The following CEP112 variants were observed in gnomAD, a reference collection of about 807,000 sequenced individuals.
CEP112 encodes centrosomal protein of 112 kDa.
CEP112 carries 127 observed loss-of-function variants against 153.0 expected under a neutral mutation model. The ratio of observed to expected loss-of-function variants is 0.83; its 90% CI spans 0.72 to 0.96. CEP112 has a LOEUF of 0.96. Among genes scored for constraint, CEP112 ranks in the 40% least tolerant of loss-of-function variants. The pLI, the probability that CEP112 is intolerant of heterozygous loss-of-function variation, is 0.00. For synonymous variants in CEP112, 358 were observed against 374.4 expected, an observed-to-expected ratio of 0.96 and a Z score of 0.51; for missense variants, 1,089 against 1,101.2, an observed-to-expected ratio of 0.99 and a Z score of 0.16.
intron 19 of CEP112, among the ~76,000 whole-genome samples, chr17:65,905,109 T>C (rs2060019661): frequency 6.6e-6 from 1 of 152,134 alleles, no homozygotes; most frequent in South Asian, 2.1e-4. Flanking sequence ...AAATGGGATC[T>C]AATTAAACTA....
At chr17:65,637,043 A>C in intron 26 of CEP112, 81 bp downstream of exon 26, 1 of 1,068,810 alleles carries the variant, frequency 9.4e-7, no homozygotes, top group Non-Finnish European at 1.4e-6. Flanking sequence ...ATTTTAATAA[A>C]GACAAAGGCC....
At chr17:66,175,970 A>C (rs1167263229) in intron 3 of CEP112, among the ~76,000 whole-genome samples, 1 of 152,186 alleles carries the variant, frequency 6.6e-6, no homozygotes, top group East Asian at 1.9e-4. Context: ...TTCTTTAGGG[A>C]GGATGACACA....
At chr17:66,143,199 T>G (rs1259744906) in intron 4 of CEP112, among the ~76,000 whole-genome samples, 2 of 152,210 alleles carry the variant, frequency 1.3e-5, no homozygotes, top group Non-Finnish European at 2.9e-5. Context: ...CAGAGATATA[T>G]TCATATGTCC....
chr17:66,080,999 C>A (rs1466195641), intron 8 of CEP112, among the ~76,000 whole-genome samples: 1 of 150,998 alleles, frequency 6.6e-6, no homozygotes, highest in Non-Finnish European at 1.5e-5. Flanking sequence ...ACATCACACA[C>A]TGGGGACTGT....
At position 66,191,309 on chromosome 17, in the gene CEP112, T is replaced by C. The variant is rs1664877803; in HGVS notation, c.-9+688A>G. ...GTGGAGAGGCTCATGGAATTTAATGTGCCTTTTCTATCTTATTTTGACTCA... is the reference window on the plus strand; with the variant it reads ...GTGGAGAGGCTCATGGAATTTAATGCGCCTTTTCTATCTTATTTTGACTCA... On this transcript the variant is annotated intron_variant, in intron 1 of 26. Coordinates refer to ENST00000535342, the MANE Select transcript of CEP112 (RefSeq NM_001199165.4). This position sits in a 1 kb window ranked among gnomAD's most constrained non-coding sequence, Gnocchi z 4.2. Among the ~76,000 whole-genome samples, 2 of 152,254 alleles carry C rather than the reference T, an allele frequency of 1.3e-5. No homozygotes were observed. Among genetic ancestry groups the C allele is most frequent in the East Asian group, 3.9e-4 (2 of 5,194 alleles).
In CEP112 at chr17:65,796,352, G is replaced by A. The variant is rs546713741; in HGVS notation, c.2395-45628C>T. Reference sequence around the variant, plus strand: ...GCAAAATCAACCACTGCAGCCTGCCGAATGAACTGAGAGAATGGCCTGGGG... The same window carrying A: ...GCAAAATCAACCACTGCAGCCTGCCAAATGAACTGAGAGAATGGCCTGGGG... On this transcript the variant is annotated intron_variant, in intron 21 of 26. Coordinates refer to ENST00000535342, the MANE Select transcript of CEP112 (RefSeq NM_001199165.4). 5.3e-5 allele frequency among the ~76,000 whole-genome samples: 8 copies of A among 152,272 alleles called. No homozygotes were observed. In the South Asian group the frequency reaches 8.3e-4, roughly 16 times the overall value.
At chr17:65,799,696 CCT>C (rs1054787903) in intron 21 of CEP112, among the ~76,000 whole-genome samples, 1 of 152,170 alleles carries the variant, frequency 6.6e-6, no homozygotes, top group African/African-American at 2.4e-5. Flanking sequence ...CAGCCTTGTG[CCT>C]CTTTCTGAAA....
chr17:65,693,372 G>T (rs1224852897), intron 23 of CEP112, among the ~76,000 whole-genome samples: 1 of 151,818 alleles, frequency 6.6e-6, no homozygotes, highest in Non-Finnish European at 1.5e-5. Context: ...TTTTTCCACA[G>T]AAGCATTTGG....
At chr17:66,045,702 T>C (rs1449192705) in intron 12 of CEP112, among the ~76,000 whole-genome samples, 8 of 152,200 alleles carry the variant, frequency 5.3e-5, no homozygotes, top group Non-Finnish European at 1.2e-4. Flanking sequence ...TGCTCATATA[T>C]GTACTTGTGT....
intron 20 of CEP112, among the ~76,000 whole-genome samples, chr17:65,900,604 T>C (rs912956482): frequency 1.3e-5 from 2 of 152,184 alleles, no homozygotes; most frequent in Non-Finnish European, 2.9e-5. Flanking sequence ...TGCAAATTAG[T>C]GTATTTTATT....
At chr17:65,779,430 A>C (rs1412523108) in intron 21 of CEP112, among the ~76,000 whole-genome samples, 2 of 152,158 alleles carry the variant, frequency 1.3e-5, no homozygotes, top group Non-Finnish European at 2.9e-5. Flanking sequence ...CTTATTCTTG[A>C]TGTTGTATCC....
intron 2 of CEP112, among the ~76,000 whole-genome samples, chr17:66,180,303 AG>A (rs1400925761): frequency 6.8e-6 from 1 of 146,930 alleles, no homozygotes; most frequent in Non-Finnish European, 1.5e-5. Flanking sequence ...TCATCAGTGA[AG>A]CCATCAGGTC....
At chr17:65,843,100 C>A (rs1433145073) in intron 21 of CEP112, among the ~76,000 whole-genome samples, 3 of 152,060 alleles carry the variant, frequency 2.0e-5, no homozygotes, top group African/African-American at 7.2e-5. Context: ...GTCAAGAAAG[C>A]TTTACAATTT....
chr17:66,084,009 C>CT (rs1307381818), intron 8 of CEP112, among the ~76,000 whole-genome samples: 1 of 152,046 alleles, frequency 6.6e-6, no homozygotes, highest in East Asian at 1.9e-4. Context: ...AGGTGAAAGG[C>CT]TTTTGTAAGC....
rs767204069 is a variant in CEP112, at chr17:66,183,149, G to A, written c.106+45C>T. The A allele has an allele frequency of 3.4e-5, 45 of 1,335,112 alleles. No homozygotes were observed. In the South Asian group the frequency reaches 5.4e-4, roughly 16 times the overall value. 82.7% of individuals were successfully genotyped at this position (1,335,112 alleles called of 1,614,324 possible). On this transcript the variant is annotated intron_variant, in intron 2 of 26. Coordinates refer to ENST00000535342, the MANE Select transcript of CEP112 (RefSeq NM_001199165.4). Reference sequence around the variant, plus strand: ...CATTGGTTTGACTAAATAATATAAAGAAAAAAATTAATCTTAAGAATCTAA... The same window carrying A: ...CATTGGTTTGACTAAATAATATAAAAAAAAAAATTAATCTTAAGAATCTAA...
chr17:65,708,938 G>A (rs2049042867), intron 23 of CEP112, among the ~76,000 whole-genome samples: 1 of 152,142 alleles, frequency 6.6e-6, no homozygotes, highest in Non-Finnish European at 1.5e-5. Flanking sequence ...ATGTGTAGGT[G>A]TCTCCTGGCC....
At chr17:66,181,603 C>T (rs1350365531) in intron 2 of CEP112, among the ~76,000 whole-genome samples, 1 of 152,148 alleles carries the variant, frequency 6.6e-6, no homozygotes, top group Non-Finnish European at 1.5e-5. Context: ...GATCCACCCG[C>T]CTCAGCCTCC....
At chr17:65,654,066 A>C (rs2045933808) in intron 24 of CEP112, among the ~76,000 whole-genome samples, 1 of 149,902 alleles carries the variant, frequency 6.7e-6, no homozygotes, top group African/African-American at 2.5e-5. Context: ...CAAAAAAAAA[A>C]AAAAAAAAAA....
chr17:66,017,782 C>T (rs1352267518), intron 16 of CEP112, among the ~76,000 whole-genome samples: 1 of 152,048 alleles, frequency 6.6e-6, no homozygotes, highest in South Asian at 2.1e-4. Flanking sequence ...GGGCAGATCA[C>T]GAGGTCAGGA....
Sources: gnomAD v4.1 joint callset for allele counts (sites outside exome capture counted in the v4.1 genomes callset) on GRCh38, gnomAD v4.1.1 for gene constraint, Gnocchi (gnomAD v3.1) non-coding constraint, MANE v1.5 for transcripts, NCBI Gene and HGNC (gene_info 2026-07-23, HGNC 2026-07-21) for gene names.